Variants in KIR3DL3 observed in about 807,000 individuals in gnomAD.
The protein encoded by KIR3DL3 is killer cell immunoglobulin-like receptor 3DL3.
KIR3DL3 carries 27 observed loss-of-function variants against 34.9 expected under a neutral mutation model. The ratio of observed to expected loss-of-function variants is 0.77; its 90% CI spans 0.57 to 1.07. The LOEUF (loss-of-function observed/expected upper bound fraction) is 1.07, where lower values mean the gene tolerates loss of function less well. Among genes scored for constraint, KIR3DL3 ranks in the 50% least tolerant of loss-of-function variants. The pLI is 0.00. For synonymous variants in KIR3DL3, 217 were observed against 200.2 expected, an observed-to-expected ratio of 1.08 and a Z score of -0.71; for missense variants, 681 against 528.5, an observed-to-expected ratio of 1.29 and a Z score of -2.83.
Position 54,729,749 on chromosome 19 carries a change from G to C in KIR3DL3, c.912G>C (p.Trp304Cys), listed in dbSNP as rs2068609236. The C allele has an allele frequency of 1.3e-6, 2 of 1,589,130 alleles. No individual in the cohort carries two copies. Among genetic ancestry groups the C allele is most frequent in the Non-Finnish European group, 1.7e-6 (2 of 1,171,304 alleles). The part of the protein sequence containing the change: ...FGSFRALPHA[W>C]SDPSDPLPVS... ...CTTTCCGTGCCCTGCCCCATGCGTG[G>C]TCAGACCCGAGTGACCCACTGCCCG... The change falls in exon 5 of 8, where the codon TGG becomes TGC. Residue 304 changes from tryptophan to cysteine, a missense_variant. Physicochemically the swap from Trp to Cys is radical, Grantham distance 215 (BLOSUM62 -2). Coordinates refer to ENST00000291860, the MANE Select transcript of KIR3DL3 (RefSeq NM_153443.5).
intron 7 of KIR3DL3, 29 bp downstream of exon 7, chr19:54,735,901 C>T: frequency 6.2e-7 from 1 of 1,605,946 alleles, no homozygotes; most frequent in South Asian, 1.1e-5. Flanking sequence ...AGCCTCGTGG[C>T]TAGTCTTATT....
At chr19:54,731,395 C>A (rs765275027) in intron 5 of KIR3DL3, among the ~76,000 whole-genome samples, 30 of 151,458 alleles carry the variant, frequency 2.0e-4, no homozygotes, top group South Asian at 4.2e-4. Flanking sequence ...CCAGATGCAA[C>A]CCTGGTTGAC....
At position 54,735,838 on chromosome 19, in the gene KIR3DL3, A is replaced by C; in HGVS notation, c.1073A>C (p.Gln358Pro). Reference protein sequence around the residue: ...ANKKNAVVMDQEPAGNRTVNR... With the variant: ...ANKKNAVVMDPEPAGNRTVNR... ...TCTACAGATGCTGTTGTAATGGACC[A>C]AGAGCCTGCAGGGAACAGAACAGTG... The change falls in exon 7 of 8, where the codon CAA (glutamine) becomes CCA (proline). Residue 358 changes from glutamine to proline, a missense_variant. By Grantham distance (76) the Gln-to-Pro change is moderately conservative. Coordinates refer to ENST00000291860, the MANE Select transcript of KIR3DL3 (RefSeq NM_153443.5). The C allele has an allele frequency of 6.2e-7, 1 of 1,607,760 alleles. No individual in the cohort carries two copies. Among genetic ancestry groups the C allele is most frequent in the Non-Finnish European group, 8.5e-7 (1 of 1,178,318 alleles).
rs1230211553 is a variant in KIR3DL3 at position 54,726,174 on chromosome 19, C to T, written c.192C>T (p.Asp64=). 83 of 1,613,214 alleles carry T rather than the reference C, an allele frequency of 5.1e-5. No homozygotes were observed. Among genetic ancestry groups the T allele is most frequent in the Non-Finnish European group, 6.3e-5 (74 of 1,179,798 alleles). The change falls in exon 3 of 8, where the codon GAC becomes GAT. Residue 64 remains aspartate, a synonymous_variant. Transcript: ENST00000291860. The part of the protein sequence containing the change: ...GFNEFSLSKE[D]GMPVPELYNR... ...ATGAATTCAGTCTGTCCAAAGAAGA[C>T]GGGATGCCTGTCCCTGAGCTCTACA...
Position 54,727,889 on chromosome 19 carries a change from C to T in KIR3DL3, c.634C>T (p.Pro212Ser), listed in dbSNP as rs774879170. ...CTATGAGTTGTCGGCTCCCAGTGAC[C>T]CTCTGGACATCGTGGTCGTAGGTGA... ...LPYELSAPSD[P>S]LDIVVVGLYG... Residue 212 changes from proline to serine, a missense_variant, in exon 4 of 8, where the codon CCT (proline) becomes TCT (serine). By Grantham distance (74) the Pro-to-Ser change is moderately conservative (BLOSUM62 -1). Coordinates refer to ENST00000291860, the MANE Select transcript of KIR3DL3 (RefSeq NM_153443.5). 1.9e-6 allele frequency: 3 copies of T among 1,611,874 alleles called. No individual in the cohort carries two copies. The highest frequency in any genetic ancestry group is 2.2e-5 in the East Asian group (1 of 44,806).
intron 5 of KIR3DL3, among the ~76,000 whole-genome samples, chr19:54,732,809 G>C (rs1600214376): frequency 6.6e-6 from 1 of 152,188 alleles, no homozygotes; most frequent in African/African-American, 2.4e-5. Context: ...ACTGTAGAGA[G>C]ATGGAGAGCA....
intron 5 of KIR3DL3, among the ~76,000 whole-genome samples, chr19:54,731,752 C>T (rs2240935): frequency 0.066 from 9,962 of 151,944 alleles, 492 homozygotes; most frequent in East Asian, 0.19. Context: ...TCCCCTTCCT[C>T]CTTCCTCCTT....
At chr19:54,728,847 C>T (rs35915667) in intron 4 of KIR3DL3, among the ~76,000 whole-genome samples, 109,089 of 144,606 alleles carry the variant, frequency 0.75, 41,482 homozygotes, top group East Asian at 0.99. Flanking sequence ...GATAGATGGA[C>T]AGATAGATAT....
intron 2 of KIR3DL3, 56 bp downstream of exon 2, chr19:54,725,338 T>G: frequency 7.6e-7 from 1 of 1,307,596 alleles, no homozygotes. Context: ...ATGATGCTCC[T>G]GAAACGGGAG....
At position 54,727,691 on chromosome 19, in the gene KIR3DL3, T is replaced by A. The variant is rs1180316831; in HGVS notation, c.436T>A (p.Ser146Thr). ...SGETVILQCW[S>T]DVRFERFLLH... ...AGAGACGGTCATCCTGCAATGTTGG[T>A]CAGATGTCAGGTTTGAGCGCTTCCT... The change falls in exon 4 of 8, where the codon TCA becomes ACA. Residue 146 changes from serine (S) to threonine (T), a missense_variant. Coordinates refer to ENST00000291860, the MANE Select transcript of KIR3DL3 (RefSeq NM_153443.5). The A allele has an allele frequency of 1.4e-5, 22 of 1,612,512 alleles. No homozygotes were observed. In the East Asian group the frequency reaches 3.1e-4, roughly 23 times the overall value.
At chr19:54,735,797 T>G (rs1174898173) in intron 6 of KIR3DL3, 23 bp from the exon 7 acceptor site, 1 of 1,607,740 alleles carries the variant, frequency 6.2e-7, no homozygotes, top group South Asian at 1.1e-5. Flanking sequence ...CCGAGCTGTT[T>G]TGACGACTTC....
chr19:54,733,194 C>T lies in KIR3DL3; in HGVS notation c.950-2059C>T, dbSNP rs199505043. Among the ~76,000 whole-genome samples the T allele has an allele frequency of 6.6e-3, 995 of 151,838 alleles. 23 individuals carry two copies. Among genetic ancestry groups the T allele is most frequent in the Admixed American group, 0.021 (323 of 15,228 alleles). On this transcript the variant is annotated intron_variant, in intron 5 of 7. Coordinates refer to ENST00000291860, the MANE Select transcript of KIR3DL3 (RefSeq NM_153443.5). ...TCTAAATCAATACCTGGCAGAGGAGCGATAGACACATGAGGGGTGGTGCAA... is the reference window on the plus strand; with the variant it reads ...TCTAAATCAATACCTGGCAGAGGAGTGATAGACACATGAGGGGTGGTGCAA...
At chr19:54,734,694 T>C (rs1487393568) in intron 5 of KIR3DL3, among the ~76,000 whole-genome samples, 1 of 146,846 alleles carries the variant, frequency 6.8e-6, no homozygotes, top group African/African-American at 2.6e-5. Context: ...AAGAAATGTG[T>C]TTGCCTCACA....
intron 5 of KIR3DL3, among the ~76,000 whole-genome samples, chr19:54,733,477 A>G (rs1201691192): frequency 6.6e-6 from 1 of 152,216 alleles, no homozygotes; most frequent in Non-Finnish European, 1.5e-5. Flanking sequence ...GGTTGAACTG[A>G]GATCGCATCA....
rs1168563155 is a variant in KIR3DL3 at position 54,735,300 on chromosome 19, A to T, written c.997A>T (p.Ile333Phe). The T allele has an allele frequency of 4.6e-6, 7 of 1,523,884 alleles. No homozygotes were observed. The South Asian group carries it at 6.8e-5, about 15-fold the overall frequency. 94.4% of individuals were successfully genotyped at this position (1,523,884 alleles called of 1,614,324 possible). A position where few individuals can be genotyped will look rare whatever the true frequency, so the allele number is the denominator to read the frequency against. The change falls in exon 6 of 8, where the codon ATC becomes TTC. Residue 333 changes from isoleucine to phenylalanine, a missense_variant. By Grantham distance (21) the Ile-to-Phe change is conservative. Transcript: ENST00000291860. ...HVLIGTSVVI[I>F]PFAILLFFLL... ...TCTGATTGGGACCTCAGTGGTCATC[A>T]TCCCCTTTGCTATCCTCCTCTTCTT... is the stretch of plus-strand genomic sequence containing the variant.
At chr19:54,727,401 A>T in intron 3 of KIR3DL3, among the ~76,000 whole-genome samples, 1 of 135,102 alleles carries the variant, frequency 7.4e-6, no homozygotes, top group Non-Finnish European at 1.6e-5. Flanking sequence ...GTGGGAAGGG[A>T]ATCAGGGCTA....
At position 54,724,486 on chromosome 19, in the gene KIR3DL3, C is replaced by A; in HGVS notation, c.-11C>A. On this transcript the variant is annotated 5_prime_UTR_variant, in exon 1 of 8. Coordinates refer to ENST00000291860, the MANE Select transcript of KIR3DL3 (RefSeq NM_153443.5). ...GCTGGGGCGCAGCCGCCTGTCTGCACCGGCAGCACCATGTCGCTCATGGTC... is the reference window on the plus strand; with the variant it reads ...GCTGGGGCGCAGCCGCCTGTCTGCAACGGCAGCACCATGTCGCTCATGGTC... 1 of 1,613,194 alleles carries A rather than the reference C, an allele frequency of 6.2e-7. No homozygotes were observed. Among genetic ancestry groups the A allele is most frequent in the Middle Eastern group, 1.7e-4 (1 of 6,058 alleles).
chr19:54,726,472 A>T lies in KIR3DL3; in HGVS notation c.355+135A>T, dbSNP rs374474329. 5 of 1,171,574 alleles carry T rather than the reference A, an allele frequency of 4.3e-6. No individual in the cohort carries two copies. In the South Asian group the frequency reaches 7.6e-5, roughly 18 times the overall value. 72.6% of individuals were successfully genotyped at this position (1,171,574 alleles called of 1,614,324 possible). ...GTAAAGGGGGATTCAGTACAGAGAAATAGTTGCTGTGGTGGGAAGAATAAT... is the reference window on the plus strand; with the variant it reads ...GTAAAGGGGGATTCAGTACAGAGAATTAGTTGCTGTGGTGGGAAGAATAAT... On this transcript the variant is annotated intron_variant, in intron 3 of 7. Coordinates refer to ENST00000291860, the MANE Select transcript of KIR3DL3 (RefSeq NM_153443.5).
At chr19:54,728,536 C>T (rs1338168084) in intron 4 of KIR3DL3, among the ~76,000 whole-genome samples, 2 of 151,486 alleles carry the variant, frequency 1.3e-5, no homozygotes, top group Non-Finnish European at 2.9e-5. Context: ...AGAACAAAAG[C>T]CCACAGAGAG....
Sources: allele counts gnomAD v4.1 joint callset (sites outside exome capture counted in the v4.1 genomes callset), GRCh38; gene constraint gnomAD v4.1.1; transcripts MANE v1.5; gene names NCBI Gene and HGNC (gene_info 2026-07-23, HGNC 2026-07-21).